The following DACH2 variants were observed in gnomAD, a reference collection of about 807,000 sequenced individuals.
The protein encoded by DACH2 is dachshund family transcription factor 2.
DACH2 carries 17 observed loss-of-function variants against 35.8 expected under a neutral mutation model. That is an observed-to-expected ratio of 0.48 (90% CI 0.33 to 0.71). The LOEUF (loss-of-function observed/expected upper bound fraction) is 0.71. Ranked by LOEUF, DACH2 falls within the 30% of genes least tolerant of loss-of-function variation. The pLI, the probability that DACH2 is intolerant of heterozygous loss-of-function variation, is 0.02. For synonymous variants in DACH2, 195 were observed against 177.3 expected, an observed-to-expected ratio of 1.10 and a Z score of -0.79; for missense variants, 469 against 472.7, an observed-to-expected ratio of 0.99 and a Z score of 0.07.
intron 2 of DACH2, among the ~76,000 whole-genome samples, chrX:86,436,028 C>T (rs896275534): frequency 9.0e-6 from 1 of 111,111 alleles, no homozygotes; most frequent in African/African-American, 3.3e-5. Flanking sequence ...AAATATATCC[C>T]ACAATATTTT....
At chrX:86,704,427 AAAAT>A (rs1406585450) in intron 5 of DACH2, among the ~76,000 whole-genome samples, 1 of 111,525 alleles carries the variant, frequency 9.0e-6, no homozygotes, top group African/African-American at 3.3e-5. Flanking sequence ...AAATGTAATA[AAAAT>A]AAATAAATAA....
chrX:86,398,565 G>A (rs1253233139), intron 2 of DACH2, among the ~76,000 whole-genome samples: 2 of 111,599 alleles, frequency 1.8e-5, no homozygotes, highest in Admixed American at 9.5e-5. Flanking sequence ...CTTTGAATGT[G>A]TCCCAGAGAT....
chrX:86,577,515 A>G (rs916255879), intron 3 of DACH2, among the ~76,000 whole-genome samples: 1 of 111,812 alleles, frequency 8.9e-6, no homozygotes, highest in Non-Finnish European at 1.9e-5. Context: ...GAAATGTTGC[A>G]AAGATAGTAC....
At chrX:86,689,240 C>A (rs1167425439) in intron 4 of DACH2, among the ~76,000 whole-genome samples, 2 of 106,546 alleles carry the variant, frequency 1.9e-5, no homozygotes, top group Non-Finnish European at 3.9e-5. Context: ...GTCTGATAAA[C>A]TGCTGAATAT....
chrX:86,306,166 T>G (rs1470155624), intron 1 of DACH2, among the ~76,000 whole-genome samples: 8 of 112,301 alleles, frequency 7.1e-5, no homozygotes, highest in Non-Finnish European at 1.5e-4. Context: ...CCAGCACTAT[T>G]TATATTAGCC....
chrX:86,698,668 G>A, intron 5 of DACH2, among the ~76,000 whole-genome samples: 1 of 105,176 alleles, frequency 9.5e-6, no homozygotes, highest in African/African-American at 3.5e-5. Context: ...CCCAGTAGCT[G>A]GGACTACAAG....
chrX:86,395,790 T>A (rs1331911388), intron 2 of DACH2, among the ~76,000 whole-genome samples: 3 of 112,209 alleles, frequency 2.7e-5, no homozygotes, highest in Non-Finnish European at 5.6e-5. Context: ...TCTATCATTG[T>A]TGGACATTTG....
At chrX:86,566,501 A>G (rs1459732958) in intron 3 of DACH2, among the ~76,000 whole-genome samples, 2 of 111,643 alleles carry the variant, frequency 1.8e-5, no homozygotes, top group African/African-American at 6.5e-5. Flanking sequence ...TAGAAAATGT[A>G]TATGATTTTC....
intron 3 of DACH2, among the ~76,000 whole-genome samples, chrX:86,569,245 G>A (rs773838617): frequency 1.2e-4 from 13 of 110,854 alleles, no homozygotes; most frequent in Non-Finnish European, 2.3e-4. Flanking sequence ...AATGCTCATC[G>A]TTGATGAGCT....
At chrX:86,676,314 A>G (rs778953013) in intron 4 of DACH2, among the ~76,000 whole-genome samples, 6 of 112,251 alleles carry the variant, frequency 5.3e-5, no homozygotes, top group African/African-American at 1.9e-4. Context: ...ATGTTTATCA[A>G]CTAAGCCTAT....
chrX:86,154,024 TA>T (rs1419644014), intron 1 of DACH2, among the ~76,000 whole-genome samples: 1 of 111,731 alleles, frequency 9.0e-6, no homozygotes, highest in Non-Finnish European at 1.9e-5. Flanking sequence ...ATTAATGTTT[TA>T]TATGGTTTTA....
chrX:86,222,709 A>G (rs924120633), intron 1 of DACH2, among the ~76,000 whole-genome samples: 2 of 110,962 alleles, frequency 1.8e-5, no homozygotes, highest in Non-Finnish European at 3.8e-5. Flanking sequence ...TGCTAAAAGG[A>G]AACTTAATGA....
rs1028836443 is a variant in DACH2, at chrX:86,709,842, T to C, written c.932-4706T>C. Among the ~76,000 whole-genome samples, 22 of 112,431 alleles carry C rather than the reference T, an allele frequency of 2.0e-4. 1 individual carries two copies. Among genetic ancestry groups the C allele is most frequent in the Middle Eastern group, 4.6e-3 (1 of 217 alleles). On this transcript the variant is annotated intron_variant, in intron 5 of 11. Transcript: ENST00000373125. Reference sequence around the variant, plus strand: ...ATTGCAAATTAAAACAACTAGGAGATACCCATACACACCTGTTGAAATAAC... The same window carrying C: ...ATTGCAAATTAAAACAACTAGGAGACACCCATACACACCTGTTGAAATAAC...
intron 2 of DACH2, among the ~76,000 whole-genome samples, chrX:86,490,459 G>A (rs2038078886): frequency 9.0e-6 from 1 of 111,273 alleles, no homozygotes; most frequent in East Asian, 2.8e-4. Context: ...GGAAGCAAAA[G>A]GGGAGATGGC....
intron 2 of DACH2, among the ~76,000 whole-genome samples, chrX:86,445,923 G>A (rs1044134773): frequency 9.0e-6 from 1 of 111,409 alleles, no homozygotes; most frequent in African/African-American, 3.3e-5. Context: ...CTGTGTGGAC[G>A]ATCAGTCAGT....
intron 11 of DACH2, chrX:86,830,393 C>T (rs1374520734): frequency 9.0e-6 from 1 of 111,630 alleles, no homozygotes; most frequent in African/African-American, 3.2e-5. Flanking sequence ...ACGGTGAAAT[C>T]TCAATTTATT....
intron 7 of DACH2, among the ~76,000 whole-genome samples, chrX:86,763,854 T>C (rs776193044): frequency 7.2e-5 from 8 of 111,885 alleles, no homozygotes; most frequent in Non-Finnish European, 1.3e-4. Context: ...ATTCATTGAC[T>C]TGTATACTTA....
chrX:86,451,807 G>A (rs1471101934), intron 2 of DACH2, among the ~76,000 whole-genome samples: 4 of 110,596 alleles, frequency 3.6e-5, no homozygotes, highest in Admixed American at 2.9e-4. Flanking sequence ...AGATAATTTA[G>A]TTCCCCTCTT....
At chrX:86,368,753 G>A (rs2035842626) in intron 1 of DACH2, among the ~76,000 whole-genome samples, 1 of 109,762 alleles carries the variant, frequency 9.1e-6, no homozygotes, top group Admixed American at 9.8e-5. Flanking sequence ...CTGCAGAGAA[G>A]GGGTTGCGCT....
Sources: gnomAD v4.1 joint callset for allele counts (sites outside exome capture counted in the v4.1 genomes callset) on GRCh38, gnomAD v4.1.1 for gene constraint, MANE v1.5 for transcripts, NCBI Gene and HGNC (gene_info 2026-07-23, HGNC 2026-07-21) for gene names.